PHF20: variants seen among roughly 807,000 people sequenced by gnomAD.
The protein encoded by PHF20 is PHD finger protein 20.
In PHF20, 23 loss-of-function variants were observed where a neutral mutation model predicts 113.5. The observed-to-expected ratio is 0.20, with a 90% confidence interval of 0.15 to 0.29. The LOEUF (loss-of-function observed/expected upper bound fraction) is 0.29, where lower values mean the gene tolerates loss of function less well. Ranked by LOEUF, PHF20 falls within the 10% of genes least tolerant of loss-of-function variation. The probability of loss-of-function intolerance (pLI) is 1.00; values close to 1 mark genes in which losing one functional copy is unlikely to be tolerated. For synonymous variants in PHF20, 434 were observed against 457.3 expected (o/e 0.95, Z 0.65); for missense variants, 943 against 1,219.6 (o/e 0.77, Z 3.38).
chr20:35,850,773 A>G, intron 4 of PHF20: 1 of 678,948 alleles, frequency 1.5e-6, no homozygotes, highest in Non-Finnish European at 2.6e-6. Context: ...AGCAATACAG[A>G]AAGTGGGTCC....
chr20:35,871,613 A>C, intron 8 of PHF20, 37 bp from the exon 9 acceptor site: 1 of 1,540,972 alleles, frequency 6.5e-7, no homozygotes, highest in Non-Finnish European at 8.8e-7. Context: ...AATTACATAC[A>C]TGTATATTTC....
intron 13 of PHF20, among the ~76,000 whole-genome samples, chr20:35,926,988 C>T (rs2055652288): frequency 6.6e-6 from 1 of 152,136 alleles, no homozygotes. Context: ...TCCTCTGGAC[C>T]CTTAGCTCTC....
At chr20:35,799,739 C>T (rs1269169866) in intron 1 of PHF20, among the ~76,000 whole-genome samples, 1 of 152,018 alleles carries the variant, frequency 6.6e-6, no homozygotes, top group Non-Finnish European at 1.5e-5. Context: ...GTGATCTCGG[C>T]TCACTGCAAC....
At chr20:35,781,221 G>T (rs2041289333) in intron 1 of PHF20, among the ~76,000 whole-genome samples, 1 of 150,910 alleles carries the variant, frequency 6.6e-6, no homozygotes, top group Non-Finnish European at 1.5e-5. Flanking sequence ...TTGGCTCACT[G>T]CAACCTCCTT....
intron 9 of PHF20, among the ~76,000 whole-genome samples, chr20:35,883,593 C>T (rs768270943): frequency 2.6e-5 from 4 of 152,252 alleles, no homozygotes; most frequent in Non-Finnish European, 4.4e-5. Flanking sequence ...AGGCACTCGC[C>T]GTCACTCCTG....
intron 9 of PHF20, among the ~76,000 whole-genome samples, chr20:35,896,799 C>CA (rs34377497): frequency 0.018 from 1,117 of 62,184 alleles, 21 homozygotes; most frequent in African/African-American, 0.036. Context: ...GACTCCGTCT[C>CA]AAAAAAAAAA....
chr20:35,877,106 CAAAAAAAAAAAAAA>C (rs760494622), intron 9 of PHF20, among the ~76,000 whole-genome samples: 24 of 32,360 alleles, frequency 7.4e-4, no homozygotes, highest in African/African-American at 2.4e-3. Flanking sequence ...GACTCTGTCT[CAAAAAAAAAAAAAA>C]AAAAAAAAAA....
At chr20:35,919,363 G>A (rs1423080570) in intron 13 of PHF20, among the ~76,000 whole-genome samples, 10 of 137,172 alleles carry the variant, frequency 7.3e-5, no homozygotes, top group African/African-American at 8.3e-5. Flanking sequence ...TTTTTGAGAC[G>A]GAGTCTCCCT....
chr20:35,845,459 G>T, intron 3 of PHF20: 1 of 336,468 alleles, frequency 3.0e-6, no homozygotes, highest in Non-Finnish European at 6.3e-6. Context: ...TTGACCTCTT[G>T]GGCTCAAGCA....
intron 2 of PHF20, among the ~76,000 whole-genome samples, chr20:35,821,361 G>C (rs1184899122): frequency 6.6e-6 from 1 of 151,838 alleles, no homozygotes; most frequent in East Asian, 1.9e-4. Context: ...CTTGAACCCG[G>C]GAGGTGGAGG....
intron 15 of PHF20, among the ~76,000 whole-genome samples, chr20:35,931,806 C>T (rs1433042123): frequency 1.3e-5 from 2 of 151,886 alleles, no homozygotes; most frequent in African/African-American, 4.8e-5. Flanking sequence ...CAAAAATTAG[C>T]TAGGCGTGCT....
At chr20:35,779,727 G>T (rs1039151244) in intron 1 of PHF20, among the ~76,000 whole-genome samples, 5 of 151,880 alleles carry the variant, frequency 3.3e-5, no homozygotes, top group Non-Finnish European at 1.5e-5. Context: ...CACCATGTTC[G>T]CCAGGCTAGT....
intron 1 of PHF20, among the ~76,000 whole-genome samples, chr20:35,787,408 A>G (rs553518172): frequency 6.7e-6 from 1 of 149,346 alleles, no homozygotes; most frequent in Non-Finnish European, 1.5e-5. Flanking sequence ...CTAACTCCCG[A>G]TCTCAGGTGA....
intron 9 of PHF20, among the ~76,000 whole-genome samples, chr20:35,890,946 G>A (rs1471177467): frequency 6.6e-6 from 1 of 152,150 alleles, no homozygotes; most frequent in Non-Finnish European, 1.5e-5. Context: ...GTCTTTAACT[G>A]CCTCATGGAA....
rs916783294 is a variant in PHF20 at position 35,871,905 on chromosome 20, A to G, written c.1282+76A>G. The G allele has an allele frequency of 4.1e-6, 4 of 978,092 alleles. No individual in the cohort carries two copies. The South Asian group carries it at 5.9e-5, about 14-fold the overall frequency. 60.6% of individuals were successfully genotyped at this position (978,092 alleles called of 1,614,324 possible). ...TGCTTTGTGAACTAAAAAAAAAAAA[A>G]TGACTTTTCTGTTGTTGTTTTTCAC... On this transcript the variant is annotated intron_variant, in intron 9 of 17. Coordinates refer to ENST00000374012, the MANE Select transcript of PHF20 (RefSeq NM_016436.5).
At chr20:35,793,357 T>C (rs946565829) in intron 1 of PHF20, among the ~76,000 whole-genome samples, 3 of 151,068 alleles carry the variant, frequency 2.0e-5, no homozygotes, top group African/African-American at 7.3e-5. Context: ...TGGAGTGCAG[T>C]GGCATGATCT....
rs2054411421 is a variant in PHF20, at chr20:35,871,022, G to C, written c.990G>C (p.Arg330Ser). The change falls in exon 8 of 18, where the codon AGG (arginine) becomes AGC (serine). Residue 330 changes from arginine to serine, a missense_variant. Physicochemically the swap from Arg to Ser is moderately radical, Grantham distance 110. Transcript: ENST00000374012. ...ACTTATCGAGGAGACGTTCCTCCAG[G>C]CTGTCCACTAATGGGACCCATGAGA... ...DKDLSRRRSSRLSTNGTHEIL... is the reference protein window; with the variant it reads ...DKDLSRRRSSSLSTNGTHEIL... The C allele has an allele frequency of 6.2e-7, 1 of 1,611,744 alleles. No individual in the cohort carries two copies. Among genetic ancestry groups the C allele is most frequent in the African/African-American group, 1.3e-5 (1 of 74,804 alleles).
intron 2 of PHF20, among the ~76,000 whole-genome samples, chr20:35,829,341 TTTTC>T (rs1364029507): frequency 1.3e-5 from 2 of 152,102 alleles, no homozygotes; most frequent in Non-Finnish European, 1.5e-5. Flanking sequence ...CTCCAAAATA[TTTTC>T]TTTCTTTCTT....
At chr20:35,925,687 T>C (rs1466500712) in intron 13 of PHF20, among the ~76,000 whole-genome samples, 1 of 151,154 alleles carries the variant, frequency 6.6e-6, no homozygotes, top group Non-Finnish European at 1.5e-5. Flanking sequence ...GTTCTTCAAA[T>C]AGTATTTACA....
Sources: allele counts gnomAD v4.1 joint callset (sites outside exome capture counted in the v4.1 genomes callset), GRCh38; gene constraint gnomAD v4.1.1; transcripts MANE v1.5; gene names NCBI Gene and HGNC (gene_info 2026-07-23, HGNC 2026-07-21).